The following NRG2 variants were observed in gnomAD, a reference collection of about 807,000 sequenced individuals.
The protein encoded by NRG2 is pro-neuregulin-2, membrane-bound isoform.
Under a neutral mutation model 73.9 loss-of-function variants are expected in NRG2, and 27 were observed. The observed-to-expected ratio is 0.37, with a 90% CI of 0.27 to 0.50. NRG2 has a LOEUF of 0.50. NRG2 is among the 20% of genes least tolerant of loss of function. The pLI is 0.96. For missense variants in NRG2, 1,126 were observed against 1,210.1 expected, an observed-to-expected ratio of 0.93 and a Z score of 1.03; for synonymous variants, 532 against 541.0, an observed-to-expected ratio of 0.98 and a Z score of 0.23.
intron 5 of NRG2, among the ~76,000 whole-genome samples, chr5:139,857,350 T>C (rs1410634989): frequency 6.6e-6 from 1 of 152,204 alleles, no homozygotes; most frequent in Non-Finnish European, 1.5e-5. Context: ...TGTCCTGCCC[T>C]GACTGCTCCC....
At chr5:139,913,770 C>G (rs1462034294) in intron 1 of NRG2, among the ~76,000 whole-genome samples, 1 of 152,252 alleles carries the variant, frequency 6.6e-6, no homozygotes, top group African/African-American at 2.4e-5. Context: ...GGATAAAAAT[C>G]ACAGCTTAAG....
intron 1 of NRG2, among the ~76,000 whole-genome samples, chr5:140,039,901 A>AC (rs1426266816): frequency 6.6e-6 from 1 of 152,186 alleles, no homozygotes; most frequent in Non-Finnish European, 1.5e-5. Flanking sequence ...GTTCCCAATG[A>AC]CCCTGTGGCC....
chr5:139,999,153 T>A (rs1758247463), intron 1 of NRG2, among the ~76,000 whole-genome samples: 1 of 152,184 alleles, frequency 6.6e-6, no homozygotes, highest in Non-Finnish European at 1.5e-5. Flanking sequence ...CTCCTGAAGT[T>A]CTGGTGGAAT....
intron 2 of NRG2, among the ~76,000 whole-genome samples, chr5:139,882,171 T>C (rs1461962539): frequency 6.6e-6 from 1 of 152,176 alleles, no homozygotes; most frequent in Non-Finnish European, 1.5e-5. Flanking sequence ...AGAGCCATCA[T>C]TGCCCTGAGC....
At chr5:139,939,204 T>TTTCCTTCCTTCCTTCC (rs199952110) in intron 1 of NRG2, among the ~76,000 whole-genome samples, 13 of 133,988 alleles carry the variant, frequency 9.7e-5, no homozygotes, top group African/African-American at 2.8e-4. Flanking sequence ...CAAAGATTTC[T>TTTCCTTCCTTCCTTCC]TTCCTTCCTT....
chr5:139,979,467 T>C (rs1756629953), intron 1 of NRG2, among the ~76,000 whole-genome samples: 3 of 152,108 alleles, frequency 2.0e-5, no homozygotes, highest in Admixed American at 6.5e-5. Context: ...CTCCCGAAAA[T>C]CTCCATCTCC....
chr5:139,940,091 G>T (rs1238306250), intron 1 of NRG2, among the ~76,000 whole-genome samples: 2 of 152,174 alleles, frequency 1.3e-5, no homozygotes, highest in Admixed American at 6.5e-5. Flanking sequence ...CTTCAACCCT[G>T]CCATGCTAGG....
chr5:140,005,863 G>A (rs1481105232), intron 1 of NRG2, among the ~76,000 whole-genome samples: 2 of 152,160 alleles, frequency 1.3e-5, no homozygotes, highest in East Asian at 3.9e-4. Context: ...GAGGGTGCAG[G>A]GAGGGATGCA....
chr5:139,859,267 C>T (rs1229785660), intron 5 of NRG2, among the ~76,000 whole-genome samples: 1 of 152,082 alleles, frequency 6.6e-6, no homozygotes, highest in African/African-American at 2.4e-5. Context: ...CCACCCAGAC[C>T]CTGGCTGGTC....
At chr5:139,958,341 C>A (rs747727323) in intron 1 of NRG2, among the ~76,000 whole-genome samples, 9 of 152,080 alleles carry the variant, frequency 5.9e-5, no homozygotes, top group Non-Finnish European at 1.3e-4. Flanking sequence ...GAAAAAATGG[C>A]GAGCTTTTTC....
At position 139,904,053 on chromosome 5, in the gene NRG2, T is replaced by C. The variant is rs1765056984; in HGVS notation, c.701-16542A>G. Reference sequence around the variant, plus strand: ...GGCCGGTACCGGCGTGCAGCGCCTCTTGCCCGCCCCTGCGTGGGGACGCGG... The same window carrying C: ...GGCCGGTACCGGCGTGCAGCGCCTCCTGCCCGCCCCTGCGTGGGGACGCGG... On this transcript the variant is annotated intron_variant, in intron 1 of 9. Transcript: ENST00000361474. The surrounding 1 kb of genome is among the most constrained non-coding windows in gnomAD (Gnocchi z 6.0). Among the ~76,000 whole-genome samples the C allele has an allele frequency of 6.6e-6, 1 of 152,170 alleles. No homozygotes were observed. Among genetic ancestry groups the C allele is most frequent in the African/African-American group, 2.4e-5 (1 of 41,464 alleles).
intron 3 of NRG2, among the ~76,000 whole-genome samples, chr5:139,877,211 C>G (rs748215442): frequency 6.6e-6 from 1 of 152,176 alleles, no homozygotes. Flanking sequence ...AACTTCCTGC[C>G]GACTCCTCCT....
chr5:139,988,786 T>C lies in NRG2; in HGVS notation c.700+53584A>G, dbSNP rs186750371. ...GAACCCTAATGTAAGGTATAGACTT[T>C]GGGTGATAATGATGTGTCAATGTAG... On this transcript the variant is annotated intron_variant, in intron 1 of 9. Coordinates refer to ENST00000361474, the MANE Select transcript of NRG2 (RefSeq NM_004883.3). Among the ~76,000 whole-genome samples, 128 of 151,882 alleles carry C rather than the reference T, an allele frequency of 8.4e-4. 5 individuals carry two copies. Among genetic ancestry groups the C allele is most frequent in the South Asian group, 8.2e-3 (39 of 4,774 alleles).
intron 1 of NRG2, among the ~76,000 whole-genome samples, chr5:139,917,392 C>T (rs1412844373): frequency 6.6e-6 from 1 of 152,170 alleles, no homozygotes; most frequent in African/African-American, 2.4e-5. Flanking sequence ...GCTGGGACTA[C>T]AGGCATGCAC....
intron 5 of NRG2, among the ~76,000 whole-genome samples, chr5:139,864,468 A>G (rs1240610511): frequency 1.3e-5 from 2 of 150,546 alleles, no homozygotes; most frequent in Non-Finnish European, 2.9e-5. Context: ...AAAATCCTAG[A>G]TGGGAGGATT....
intron 5 of NRG2, chr5:139,861,880 G>A (rs1201814575): frequency 2.2e-6 from 1 of 451,080 alleles, no homozygotes; most frequent in Non-Finnish European, 4.5e-6. Context: ...GAACAGCCCA[G>A]CTTGACCACA....
chr5:139,924,984 C>T (rs1173298461), intron 1 of NRG2, among the ~76,000 whole-genome samples: 4 of 152,012 alleles, frequency 2.6e-5, no homozygotes, highest in Admixed American at 6.6e-5. Flanking sequence ...TGCCAAGGGC[C>T]GGCCCGAGTC....
intron 1 of NRG2, among the ~76,000 whole-genome samples, chr5:139,903,074 C>G (rs538605492): frequency 9.2e-5 from 14 of 152,288 alleles, no homozygotes; most frequent in Non-Finnish European, 2.1e-4. Context: ...CCTATCATTA[C>G]ACAGAAATTC....
At chr5:139,890,387 GT>G (rs1456477997) in intron 1 of NRG2, among the ~76,000 whole-genome samples, 1 of 151,542 alleles carries the variant, frequency 6.6e-6, no homozygotes, top group African/African-American at 2.4e-5. Context: ...TTGCTACAAA[GT>G]TTTTTCCCCT....
Sources: gnomAD v4.1 joint callset for allele counts (sites outside exome capture counted in the v4.1 genomes callset) on GRCh38, gnomAD v4.1.1 for gene constraint, Gnocchi (gnomAD v3.1) non-coding constraint, MANE v1.5 for transcripts, NCBI Gene and HGNC (gene_info 2026-07-23, HGNC 2026-07-21) for gene names.